Variants in PHF24 observed in about 807,000 individuals in gnomAD.
The protein encoded by PHF24 is PHD finger protein 24.
PHF24 carries 25 observed loss-of-function variants against 42.6 expected under a neutral mutation model. The ratio of observed to expected loss-of-function variants is 0.59; its 90% CI spans 0.43 to 0.82. The LOEUF is 0.82. Among genes scored for constraint, PHF24 ranks in the 40% least tolerant of loss-of-function variants. PHF24 has a pLI of 0.00. For synonymous variants in PHF24, 185 were observed against 204.8 expected, an observed-to-expected ratio of 0.90 and a Z score of 0.83; for missense variants, 470 against 538.1, an observed-to-expected ratio of 0.87 and a Z score of 1.25.
chr9:34,772,947 C>G, the PHF24 span, among the ~76,000 whole-genome samples: 2 of 151,424 alleles, frequency 1.3e-5, no homozygotes, highest in African/African-American at 2.4e-5. Context: ...TCTAAAAGAC[C>G]AGGAGCACCA....
the PHF24 span, among the ~76,000 whole-genome samples, chr9:34,848,045 A>G: frequency 7.5e-3 from 1,138 of 152,214 alleles, 20 homozygotes; most frequent in African/African-American, 0.026. Flanking sequence ...CATCAAGGAT[A>G]TTGATCTAAA....
chr9:34,935,338 C>T, the PHF24 span, among the ~76,000 whole-genome samples: 1 of 152,122 alleles, frequency 6.6e-6, no homozygotes, highest in Admixed American at 6.5e-5. Context: ...GTAATCCCAG[C>T]ACCCCAGCAC....
chr9:34,789,959 A>G, the PHF24 span, among the ~76,000 whole-genome samples: 1 of 152,108 alleles, frequency 6.6e-6, no homozygotes, highest in Non-Finnish European at 1.5e-5. Context: ...TGATCCTCCA[A>G]TCTCAGCCTC....
the PHF24 span, chr9:34,665,986 G>T: frequency 2.3e-6 from 1 of 432,554 alleles, no homozygotes; most frequent in Non-Finnish European, 4.2e-6. Flanking sequence ...ACCTGGAGGG[G>T]GGGCTGAGAG....
the PHF24 span, among the ~76,000 whole-genome samples, chr9:34,755,958 G>A: frequency 6.6e-6 from 1 of 152,060 alleles, no homozygotes; most frequent in African/African-American, 2.4e-5. Flanking sequence ...GTTTATTTTT[G>A]CTCTTGTTGC....
At chr9:34,752,174 T>G in the PHF24 span, among the ~76,000 whole-genome samples, 1 of 151,850 alleles carries the variant, frequency 6.6e-6, no homozygotes, top group African/African-American at 2.4e-5. Flanking sequence ...CCAAAGTTAG[T>G]AGAAGAAAAG....
At chr9:34,835,790 T>C in the PHF24 span, 6 of 1,548,630 alleles carry the variant, frequency 3.9e-6, no homozygotes, top group Middle Eastern at 3.4e-4. Context: ...TGTGACAGTG[T>C]TGGGTTTATA....
At chr9:34,950,351 C>CAAAAAAAAAAAAAAAAAAAA in the PHF24 span, among the ~76,000 whole-genome samples, 4 of 68,264 alleles carry the variant, frequency 5.9e-5, no homozygotes, top group South Asian at 1.2e-3. Flanking sequence ...GACTCTGTCT[C>CAAAAAAAAAAAAAAAAAAAA]AAAAAAAAAA....
chr9:34,778,247 C>T, the PHF24 span, among the ~76,000 whole-genome samples: 2 of 152,128 alleles, frequency 1.3e-5, no homozygotes, highest in Admixed American at 1.3e-4. Context: ...AAACAAAAAG[C>T]GTAATGGCAG....
chr9:34,797,721 T>TC, the PHF24 span, among the ~76,000 whole-genome samples: 1 of 151,668 alleles, frequency 6.6e-6, no homozygotes, highest in Non-Finnish European at 1.5e-5. Context: ...TGCTAGGGTC[T>TC]CGGGGGGGTT....
chr9:34,712,131 A>G, the PHF24 span, among the ~76,000 whole-genome samples: 1 of 151,850 alleles, frequency 6.6e-6, no homozygotes, highest in Admixed American at 6.6e-5. Context: ...CTTTAAATAT[A>G]TCCCCCATTG....
chr9:34,758,353 G>T, the PHF24 span, among the ~76,000 whole-genome samples: 1 of 152,110 alleles, frequency 6.6e-6, no homozygotes, highest in African/African-American at 2.4e-5. The surrounding 1 kb of genome is among the most constrained non-coding windows in gnomAD (Gnocchi z 4.4). Context: ...GACAGCTCCT[G>T]CTTGGGGCAG....
At chr9:34,723,820 G>C in the PHF24 span, 30 of 1,551,714 alleles carry the variant, frequency 1.9e-5, no homozygotes, top group Non-Finnish European at 2.5e-5. Context: ...TGGTTTGACT[G>C]TCTTGCAGGT....
chr9:34,712,740 T>C, the PHF24 span, among the ~76,000 whole-genome samples: 34 of 152,338 alleles, frequency 2.2e-4, 1 homozygote, highest in East Asian at 5.8e-3. Flanking sequence ...ACAGTTATTT[T>C]TTTTTTCCAA....
At chr9:34,812,950 A>C in the PHF24 span, among the ~76,000 whole-genome samples, 1 of 152,062 alleles carries the variant, frequency 6.6e-6, no homozygotes, top group Admixed American at 6.6e-5. Flanking sequence ...CCCATCCCCC[A>C]CCTGACATTT....
the PHF24 span, among the ~76,000 whole-genome samples, chr9:34,797,050 G>C: frequency 6.6e-6 from 1 of 152,234 alleles, no homozygotes. Flanking sequence ...GCCTTATGCT[G>C]AGTGAAACGA....
chr9:34,691,859 A>G, the PHF24 span, among the ~76,000 whole-genome samples: 3 of 152,314 alleles, frequency 2.0e-5, no homozygotes, highest in Admixed American at 6.5e-5. Flanking sequence ...TCTGGGGCTC[A>G]GCAAACCCTC....
chr9:34,702,881 A>G, the PHF24 span, among the ~76,000 whole-genome samples: 6 of 152,346 alleles, frequency 3.9e-5, no homozygotes, highest in Admixed American at 3.3e-4. Context: ...AAAAATGGTA[A>G]TCCAGCCCAA....
At chr9:34,777,931 G>A in the PHF24 span, among the ~76,000 whole-genome samples, 1 of 152,224 alleles carries the variant, frequency 6.6e-6, no homozygotes, top group Non-Finnish European at 1.5e-5. Flanking sequence ...GGACTCTCCA[G>A]TGGCTAGGAT....
Sources: allele counts gnomAD v4.1 joint callset (sites outside exome capture counted in the v4.1 genomes callset), GRCh38; gene constraint gnomAD v4.1.1; non-coding constraint Gnocchi (gnomAD v3.1); transcripts MANE v1.5; gene names NCBI Gene and HGNC (gene_info 2026-07-23, HGNC 2026-07-21).